The following FBXL20 variants were observed in gnomAD, a reference collection of about 807,000 sequenced individuals.
The protein encoded by FBXL20 is F-box/LRR-repeat protein 20.
FBXL20 carries 11 observed loss-of-function variants against 64.0 expected under a neutral mutation model. The observed-to-expected ratio is 0.17, with a 90% CI of 0.11 to 0.28. The LOEUF is 0.28. Ranked by LOEUF, FBXL20 falls within the 10% of genes least tolerant of loss-of-function variation. The pLI, the probability that FBXL20 is intolerant of heterozygous loss-of-function variation, is 1.00. For synonymous variants in FBXL20, 184 were observed against 189.0 expected (o/e 0.97, Z 0.22); for missense variants, 303 against 526.2 (o/e 0.58, Z 4.15).
At chr17:39,283,944 T>C (rs1223652404) in intron 7 of FBXL20, among the ~76,000 whole-genome samples, 1 of 152,142 alleles carries the variant, frequency 6.6e-6, no homozygotes, top group East Asian at 1.9e-4. Context: ...CCAATATTAA[T>C]AGTTTAACTT....
At chr17:39,286,905 A>C (rs914177641) in intron 6 of FBXL20, among the ~76,000 whole-genome samples, 3 of 127,174 alleles carry the variant, frequency 2.4e-5, no homozygotes, top group Admixed American at 8.3e-5. Context: ...TTCAGTATCT[A>C]TTTCTTTTTT....
At chr17:39,319,623 T>TGCA (rs1191174486) in intron 2 of FBXL20, among the ~76,000 whole-genome samples, 1 of 135,234 alleles carries the variant, frequency 7.4e-6, no homozygotes, top group Non-Finnish European at 1.5e-5. Context: ...AGGCAGAGGT[T>TGCA]GCAGTAAGCC....
At chr17:39,401,280 G>A (rs2048240217) in intron 1 of FBXL20, 81 bp downstream of exon 1, 6 of 1,605,628 alleles carry the variant, frequency 3.7e-6, no homozygotes, top group African/African-American at 2.7e-5. Context: ...CCAGGGAGGA[G>A]GCTCCGTGCG....
intron 10 of FBXL20, among the ~76,000 whole-genome samples, chr17:39,272,877 C>T (rs1400420530): frequency 6.6e-6 from 1 of 152,120 alleles, no homozygotes; most frequent in Non-Finnish European, 1.5e-5. Context: ...GAGCTGAAGA[C>T]TCCTCTCTCT....
At chr17:39,376,555 T>C (rs1173532842) in intron 1 of FBXL20, among the ~76,000 whole-genome samples, 4 of 152,170 alleles carry the variant, frequency 2.6e-5, no homozygotes, top group African/African-American at 4.8e-5. Context: ...ATCTTGAGAA[T>C]TTGCAGAAGT....
intron 11 of FBXL20, among the ~76,000 whole-genome samples, chr17:39,269,831 TG>T (rs1646739955): frequency 6.6e-6 from 1 of 152,046 alleles, no homozygotes; most frequent in African/African-American, 2.4e-5. Context: ...AATTTCGCCA[TG>T]TTGCCCGGGC....
At chr17:39,388,877 G>C (rs1157930621) in intron 1 of FBXL20, among the ~76,000 whole-genome samples, 1 of 149,758 alleles carries the variant, frequency 6.7e-6, no homozygotes, top group Non-Finnish European at 1.5e-5. Context: ...TGAGGTGGGT[G>C]GAGTACCTGA....
chr17:39,351,327 ACT>A (rs1315425514), intron 1 of FBXL20, among the ~76,000 whole-genome samples: 2 of 135,434 alleles, frequency 1.5e-5, no homozygotes, highest in African/African-American at 5.9e-5. Flanking sequence ...CAAGAGAGAA[ACT>A]CTGTCTCACC....
At chr17:39,341,896 G>C (rs2338800) in intron 2 of FBXL20, among the ~76,000 whole-genome samples, 56,306 of 152,054 alleles carry the variant, frequency 0.37, 13,136 homozygotes, top group African/African-American at 0.66. Context: ...TCAACATGTA[G>C]TAGAGTGAGG....
intron 9 of FBXL20, among the ~76,000 whole-genome samples, chr17:39,276,946 G>A (rs952984150): frequency 6.6e-5 from 10 of 152,136 alleles, no homozygotes; most frequent in Non-Finnish European, 1.3e-4. Context: ...AAAAAGGAAA[G>A]TTACACATAA....
chr17:39,325,289 G>C (rs1235931596), intron 2 of FBXL20, among the ~76,000 whole-genome samples: 1 of 152,180 alleles, frequency 6.6e-6, no homozygotes, highest in Non-Finnish European at 1.5e-5. Context: ...GTAGAAAGAA[G>C]GTTGGAGTGG....
At chr17:39,354,234 G>A (rs1488846015) in intron 1 of FBXL20, among the ~76,000 whole-genome samples, 4 of 152,034 alleles carry the variant, frequency 2.6e-5, no homozygotes, top group Non-Finnish European at 4.4e-5. Context: ...GTCTACCAAC[G>A]GGGAAAACAA....
intron 2 of FBXL20, among the ~76,000 whole-genome samples, chr17:39,307,273 A>T (rs1597787947): frequency 6.7e-6 from 1 of 148,236 alleles, no homozygotes; most frequent in East Asian, 2.0e-4. Flanking sequence ...ATATGAGAAA[A>T]TTTCAATTAG....
intron 2 of FBXL20, among the ~76,000 whole-genome samples, chr17:39,321,186 G>A (rs1182514564): frequency 1.3e-5 from 2 of 152,090 alleles, no homozygotes; most frequent in Non-Finnish European, 2.9e-5. Context: ...AGGAACGGTG[G>A]CTCACGCTTG....
At chr17:39,359,283 C>A (rs1430766729) in intron 1 of FBXL20, among the ~76,000 whole-genome samples, 2 of 152,122 alleles carry the variant, frequency 1.3e-5, no homozygotes, top group Admixed American at 6.6e-5. Flanking sequence ...TTGCAGTGAG[C>A]CAGGATTATG....
chr17:39,278,201 A>T (rs1044108469), intron 9 of FBXL20, among the ~76,000 whole-genome samples: 12 of 152,198 alleles, frequency 7.9e-5, no homozygotes, highest in Non-Finnish European at 1.5e-4. Flanking sequence ...GCTGGAGTGC[A>T]GTGGCGTGCT....
intron 9 of FBXL20, 141 bp from the exon 10 acceptor site, chr17:39,275,241 A>C: frequency 1.2e-6 from 1 of 869,544 alleles, no homozygotes; most frequent in Middle Eastern, 3.5e-4. Flanking sequence ...GCAGACCTAA[A>C]AGAAAATGAA....
At chr17:39,283,128 T>C (rs1164832195) in intron 7 of FBXL20, among the ~76,000 whole-genome samples, 2 of 152,224 alleles carry the variant, frequency 1.3e-5, no homozygotes, top group Non-Finnish European at 2.9e-5. Context: ...ACTTATCACA[T>C]ATCTCAAAGC....
intron 1 of FBXL20, among the ~76,000 whole-genome samples, chr17:39,357,227 C>T (rs1043884350): frequency 6.9e-6 from 1 of 145,952 alleles, no homozygotes; most frequent in Admixed American, 7.0e-5. Context: ...GAGCCAAGTT[C>T]GTGCCACACT....
Sources: allele counts gnomAD v4.1 joint callset (sites outside exome capture counted in the v4.1 genomes callset), GRCh38; gene constraint gnomAD v4.1.1; transcripts MANE v1.5; gene names NCBI Gene and HGNC (gene_info 2026-07-23, HGNC 2026-07-21).